PLXNA4: variants seen among roughly 807,000 people sequenced by gnomAD.
PLXNA4 encodes plexin-A4.
In PLXNA4, 44 loss-of-function variants were observed where a neutral mutation model predicts 191.8. The ratio of observed to expected loss-of-function variants is 0.23; its 90% CI spans 0.18 to 0.29. The LOEUF is 0.29. PLXNA4 is among the 10% of genes least tolerant of loss of function. PLXNA4 has a pLI of 1.00. For synonymous variants in PLXNA4, 1,082 were observed against 1,009.5 expected, an observed-to-expected ratio of 1.07 and a Z score of -1.36; for missense variants, 1,800 against 2,488.8, an observed-to-expected ratio of 0.72 and a Z score of 5.89.
chr7:132,289,900 AC>A (rs1249953467), intron 4 of PLXNA4, among the ~76,000 whole-genome samples: 2 of 152,022 alleles, frequency 1.3e-5, no homozygotes, highest in Non-Finnish European at 1.5e-5. Flanking sequence ...TGTTTCCTAA[AC>A]GAATGAATGA....
intron 3 of PLXNA4, among the ~76,000 whole-genome samples, chr7:132,311,156 T>TTG (rs749947062): frequency 0.059 from 7,836 of 132,058 alleles, 263 homozygotes; most frequent in East Asian, 0.089. Flanking sequence ...TCTAGGATAA[T>TTG]TGTGTGTGTG....
chr7:132,518,674 T>C (rs546460750), intron 1 of PLXNA4, among the ~76,000 whole-genome samples: 1 of 152,198 alleles, frequency 6.6e-6, no homozygotes, highest in Non-Finnish European at 1.5e-5. Flanking sequence ...CCTTACTTCC[T>C]AGTTTATTAA....
At chr7:132,440,003 T>TGC (rs1795633898) in intron 3 of PLXNA4, among the ~76,000 whole-genome samples, 1 of 151,676 alleles carries the variant, frequency 6.6e-6, no homozygotes, top group African/African-American at 2.4e-5. Flanking sequence ...TGAGTGTGTG[T>TGC]GTGTGTGTAT....
At chr7:132,323,218 G>A (rs911612100) in intron 3 of PLXNA4, among the ~76,000 whole-genome samples, 1 of 152,164 alleles carries the variant, frequency 6.6e-6, no homozygotes, top group Non-Finnish European at 1.5e-5. Flanking sequence ...GTGCATTGCT[G>A]GGTGCCAGCA....
At chr7:132,149,976 T>C (rs1795548483) in intron 25 of PLXNA4, among the ~76,000 whole-genome samples, 1 of 152,176 alleles carries the variant, frequency 6.6e-6, no homozygotes, top group Non-Finnish European at 1.5e-5. Context: ...GCTCCTAAAA[T>C]CTAAGCCCCT....
intron 2 of PLXNA4, among the ~76,000 whole-genome samples, chr7:132,626,418 C>T (rs1046262168): frequency 2.0e-5 from 3 of 152,284 alleles, no homozygotes; most frequent in Admixed American, 2.0e-4. Context: ...ATTGTAATCC[C>T]CAGTATTGGA....
At chr7:132,549,605 G>A (rs755803346) in intron 1 of PLXNA4, among the ~76,000 whole-genome samples, 2 of 152,124 alleles carry the variant, frequency 1.3e-5, no homozygotes, top group Non-Finnish European at 2.9e-5. Context: ...TCTTCCTGGG[G>A]GCAGATTTCC....
chr7:132,547,201 G>C (rs906514972), intron 1 of PLXNA4, among the ~76,000 whole-genome samples: 1 of 152,066 alleles, frequency 6.6e-6, no homozygotes, highest in Non-Finnish European at 1.5e-5. Flanking sequence ...TACTGATGCT[G>C]ACCACTTCAC....
rs571532737 is a variant in PLXNA4 at position 132,434,867 on chromosome 7, GATTTACCAAAGT to G, written c.1371+54413_1371+54424del. Among the ~76,000 whole-genome samples the G allele has an allele frequency of 5.9e-3, 895 of 152,246 alleles. 7 individuals are homozygous for G. Among genetic ancestry groups the G allele is most frequent in the African/African-American group, 0.02 (820 of 41,554 alleles). ...TGGATGAAACACTAGCCTTGCCAGG[GATTTACCAAAGT>G]CCCCACTCTAATTTTTCACCCAGGA... On this transcript the variant is annotated intron_variant, in intron 3 of 31. Coordinates refer to ENST00000321063, the MANE Select transcript of PLXNA4 (RefSeq NM_020911.2).
chr7:132,255,803 T>A (rs1398607572), intron 4 of PLXNA4, among the ~76,000 whole-genome samples: 5 of 152,224 alleles, frequency 3.3e-5, no homozygotes, highest in African/African-American at 1.2e-4. Flanking sequence ...TCTTCAGCTA[T>A]TCTGAGAGCT....
intron 3 of PLXNA4, among the ~76,000 whole-genome samples, chr7:132,444,164 G>C (rs1408651683): frequency 6.6e-6 from 1 of 152,222 alleles, no homozygotes; most frequent in Non-Finnish European, 1.5e-5. Context: ...ACTTACTCCT[G>C]TCCTTCAAAT....
chr7:132,197,120 C>G (rs2116837869), intron 13 of PLXNA4, among the ~76,000 whole-genome samples: 1 of 152,284 alleles, frequency 6.6e-6, no homozygotes, highest in Middle Eastern at 3.4e-3. Flanking sequence ...ATACTTCGCA[C>G]AAGTTCCCCT....
intron 4 of PLXNA4, among the ~76,000 whole-genome samples, chr7:132,258,019 G>T (rs1480084143): frequency 1.3e-5 from 2 of 152,222 alleles, no homozygotes; most frequent in Non-Finnish European, 2.9e-5. Flanking sequence ...GCTGGAAAAG[G>T]GTCATTGAAG....
At chr7:132,502,827 A>T (rs1287233126) in intron 2 of PLXNA4, among the ~76,000 whole-genome samples, 3 of 152,164 alleles carry the variant, frequency 2.0e-5, no homozygotes, top group Non-Finnish European at 4.4e-5. Context: ...CTTGTTAACC[A>T]TCAGGTACCA....
chr7:132,541,924 A>G (rs1374646139), intron 1 of PLXNA4, among the ~76,000 whole-genome samples: 1 of 152,246 alleles, frequency 6.6e-6, no homozygotes, highest in Non-Finnish European at 1.5e-5. Context: ...CCTACTATGC[A>G]TGAGTAAAAC....
intron 8 of PLXNA4, 152 bp from the exon 9 acceptor site, chr7:132,223,793 C>A: frequency 1.6e-6 from 1 of 621,690 alleles, no homozygotes. Context: ...ACATCTATCC[C>A]TTTACTCCCC....
intron 22 of PLXNA4, among the ~76,000 whole-genome samples, chr7:132,167,698 A>G (rs1263648810): frequency 6.6e-6 from 1 of 152,004 alleles, no homozygotes; most frequent in Non-Finnish European, 1.5e-5. Flanking sequence ...CATCATGCAT[A>G]GCTAATTTTT....
intron 4 of PLXNA4, among the ~76,000 whole-genome samples, chr7:132,250,227 G>A (rs1799200235): frequency 6.6e-6 from 1 of 152,180 alleles, no homozygotes; most frequent in South Asian, 2.1e-4. Flanking sequence ...TGGCAACTCT[G>A]TTGTTCCAGC....
intron 4 of PLXNA4, among the ~76,000 whole-genome samples, chr7:132,285,022 A>AT (rs989736097): frequency 3.3e-5 from 5 of 152,030 alleles, no homozygotes; most frequent in South Asian, 2.1e-4. Context: ...GCATAGGTGG[A>AT]TTTTTTTTCA....
Sources: gnomAD v4.1 joint callset for allele counts (sites outside exome capture counted in the v4.1 genomes callset) on GRCh38, gnomAD v4.1.1 for gene constraint, MANE v1.5 for transcripts, NCBI Gene and HGNC (gene_info 2026-07-23, HGNC 2026-07-21) for gene names.